Variants in TNFAIP8L3 observed in about 807,000 individuals in gnomAD.
The protein encoded by TNFAIP8L3 is TNF alpha induced protein 8 like 3, also known as tumor necrosis factor alpha-induced protein 8-like protein 3.
A neutral mutation model predicts 11.8 loss-of-function variants in TNFAIP8L3; 7 were observed. The ratio of observed to expected loss-of-function variants is 0.59; its 90% CI spans 0.34 to 1.11. The LOEUF (loss-of-function observed/expected upper bound fraction) is 1.11. Ranked by LOEUF, TNFAIP8L3 falls within the 50% of genes most tolerant of loss-of-function variation. The probability of loss-of-function intolerance (pLI) is 0.03; values close to 1 mark genes in which losing one functional copy is unlikely to be tolerated. For missense variants in TNFAIP8L3, 219 were observed against 258.6 expected (o/e 0.85, Z 1.05); for synonymous variants, 98 against 103.8 (o/e 0.94, Z 0.34).
intron 1 of TNFAIP8L3, among the ~76,000 whole-genome samples, chr15:51,091,676 GCACACACACACACACACACACACACACA>G (rs3077947): frequency 1.4e-5 from 2 of 144,014 alleles, no homozygotes; most frequent in Non-Finnish European, 3.0e-5. Flanking sequence ...ACCTCCTCAA[GCACACACACACACACACACACACACACA>G]CACACACACA....
At chr15:51,069,344 A>G (rs1014486161) in intron 1 of TNFAIP8L3, 1 of 152,256 alleles carries the variant, frequency 6.6e-6, no homozygotes, top group African/African-American at 2.4e-5. Flanking sequence ...TCTTTTGGAC[A>G]TTTTAAGGGT....
At position 51,094,606 on chromosome 15, in the gene TNFAIP8L3, G is replaced by T. The variant is rs1425881356; in HGVS notation, c.-11C>A. On this transcript the variant is annotated 5_prime_UTR_variant, in exon 1 of 2. Coordinates refer to ENST00000637513, the MANE Select transcript of TNFAIP8L3 (RefSeq NM_001311175.2). The surrounding 1 kb of genome is among the most constrained non-coding windows in gnomAD (Gnocchi z 4.4). ...GGAATCCGAATCCATGCTGCGGGCT[G>T]CTGGCTGGGCGTCCACGGCCACCCG... 1 of 1,477,172 alleles carries T rather than the reference G, an allele frequency of 6.8e-7. No homozygotes were observed. The highest frequency in any genetic ancestry group is 8.9e-7 in the Non-Finnish European group (1 of 1,117,744). The allele number at this position is 1,477,172 out of a possible 1,614,324, so 91.5% of individuals were successfully genotyped here.
chr15:51,099,543 T>G (rs1354069829), upstream of TNFAIP8L3, among the ~76,000 whole-genome samples: 1 of 152,150 alleles, frequency 6.6e-6, no homozygotes, highest in Non-Finnish European at 1.5e-5. Flanking sequence ...TATAAGCCCT[T>G]TAAATAGCAG....
intron 1 of TNFAIP8L3, among the ~76,000 whole-genome samples, chr15:51,060,893 T>A (rs191423841): frequency 4.1e-3 from 621 of 152,360 alleles, no homozygotes; most frequent in Non-Finnish European, 5.7e-3. Context: ...CCCAGCATTT[T>A]GGGAGGCTGA....
chr15:51,066,493 CCTT>C (rs2065273402), intron 1 of TNFAIP8L3, among the ~76,000 whole-genome samples: 1 of 152,176 alleles, frequency 6.6e-6, no homozygotes, highest in Non-Finnish European at 1.5e-5. Flanking sequence ...GAGCAACCAT[CCTT>C]CTGCTCAGTT....
At position 51,091,305 on chromosome 15, in the gene TNFAIP8L3, A is replaced by G. The variant is rs375270873; in HGVS notation, c.52+3239T>C. Among the ~76,000 whole-genome samples the G allele has an allele frequency of 1.8e-4, 28 of 152,206 alleles. No homozygotes were observed. The East Asian group carries it at 3.7e-3, about 20-fold the overall frequency. On this transcript the variant is annotated intron_variant, in intron 1 of 1. Transcript: ENST00000637513. Reference sequence around the variant, plus strand: ...TGCTCTGCACGCACAAAGTGGGGGGAACTTTGGAAGAGTCTCTTGAAAGTA... The same window carrying G: ...TGCTCTGCACGCACAAAGTGGGGGGGACTTTGGAAGAGTCTCTTGAAAGTA...
chr15:51,085,461 C>T (rs572156516), intron 1 of TNFAIP8L3, among the ~76,000 whole-genome samples: 2 of 152,214 alleles, frequency 1.3e-5, no homozygotes, highest in East Asian at 3.9e-4. Flanking sequence ...CTAGCGTGGG[C>T]CTGTGCTGGT....
chr15:51,088,032 C>T lies in TNFAIP8L3; in HGVS notation c.52+6512G>A, dbSNP rs547106904. The stretch of plus-strand genomic sequence containing the variant: ...GTCTTTTAAATTCTTCTTCTCTATC[C>T]TTTTATTTCTATATTTGTATAGAAT... On this transcript the variant is annotated intron_variant, in intron 1 of 1. Coordinates refer to ENST00000637513, the MANE Select transcript of TNFAIP8L3 (RefSeq NM_001311175.2). Among the ~76,000 whole-genome samples the T allele has an allele frequency of 4.7e-5, 7 of 147,870 alleles. No homozygotes were observed. The East Asian group carries it at 1.4e-3, about 29-fold the overall frequency.
At chr15:51,086,789 G>GT (rs2065430946) in intron 1 of TNFAIP8L3, among the ~76,000 whole-genome samples, 1 of 152,126 alleles carries the variant, frequency 6.6e-6, no homozygotes, top group African/African-American at 2.4e-5. Flanking sequence ...TAAATAAAAA[G>GT]TAAAACATCA....
At chr15:51,080,184 C>T (rs1053225621) in intron 1 of TNFAIP8L3, among the ~76,000 whole-genome samples, 11 of 152,216 alleles carry the variant, frequency 7.2e-5, no homozygotes, top group African/African-American at 2.4e-4. Flanking sequence ...TCAGCGATGA[C>T]ATTACTATGA....
chr15:51,072,582 T>C (rs547106355), intron 1 of TNFAIP8L3, among the ~76,000 whole-genome samples: 1 of 152,350 alleles, frequency 6.6e-6, no homozygotes, highest in South Asian at 2.1e-4. Flanking sequence ...AAAGGTTTTG[T>C]TTTTCACATT....
chr15:51,068,984 GA>G (rs2065290635), intron 1 of TNFAIP8L3, among the ~76,000 whole-genome samples: 1 of 152,088 alleles, frequency 6.6e-6, no homozygotes, highest in Non-Finnish European at 1.5e-5. Context: ...TCTTCATAAA[GA>G]GAATGAATTA....
At chr15:51,089,739 T>C (rs1420179598) in intron 1 of TNFAIP8L3, among the ~76,000 whole-genome samples, 1 of 152,240 alleles carries the variant, frequency 6.6e-6, no homozygotes, top group African/African-American at 2.4e-5. Context: ...AAGATGCTCA[T>C]TCACTTACTA....
upstream of TNFAIP8L3, among the ~76,000 whole-genome samples, chr15:51,098,747 G>A (rs907545020): frequency 6.6e-6 from 1 of 152,224 alleles, no homozygotes; most frequent in Non-Finnish European, 1.5e-5. Context: ...GTTTCCTTCT[G>A]TGTGTGTACA....
At chr15:51,077,978 C>T (rs1396821616) in intron 1 of TNFAIP8L3, among the ~76,000 whole-genome samples, 1 of 152,214 alleles carries the variant, frequency 6.6e-6, no homozygotes, top group Non-Finnish European at 1.5e-5. Flanking sequence ...ACAAGAACCC[C>T]GTTTTAGCTG....
chr15:51,078,515 C>T (rs2065370699), intron 1 of TNFAIP8L3, among the ~76,000 whole-genome samples: 1 of 152,036 alleles, frequency 6.6e-6, no homozygotes, highest in South Asian at 2.1e-4. Flanking sequence ...TGGGTGTCCT[C>T]CTGAGCTCAC....
chr15:51,103,431 C>A (rs1341446518), intron 1 of TNFAIP8L3, among the ~76,000 whole-genome samples: 3 of 152,214 alleles, frequency 2.0e-5, no homozygotes, highest in African/African-American at 7.2e-5. Flanking sequence ...AGACATCATC[C>A]CATGAGAGTT....
chr15:51,103,924 G>GA (rs2065570965), intron 1 of TNFAIP8L3, among the ~76,000 whole-genome samples: 2 of 46,342 alleles, frequency 4.3e-5, no homozygotes, highest in Non-Finnish European at 9.8e-5. Flanking sequence ...TAAGAGGAAT[G>GA]AGAGTTACTG....
chr15:51,096,175 G>A (rs2065512438), upstream of TNFAIP8L3, among the ~76,000 whole-genome samples: 1 of 152,158 alleles, frequency 6.6e-6, no homozygotes, highest in Non-Finnish European at 1.5e-5. Context: ...GCTCCTGACT[G>A]CTATGGTACA....
Sources: allele counts gnomAD v4.1 joint callset (sites outside exome capture counted in the v4.1 genomes callset), GRCh38; gene constraint gnomAD v4.1.1; non-coding constraint Gnocchi (gnomAD v3.1); transcripts MANE v1.5; gene names NCBI Gene and HGNC (gene_info 2026-07-23, HGNC 2026-07-21).